The following ELF2 variants were observed in gnomAD, a reference collection of about 807,000 sequenced individuals.
ELF2 encodes ETS-related transcription factor Elf-2.
Under a neutral mutation model 54.8 loss-of-function variants are expected in ELF2, and 11 were observed. The observed-to-expected ratio is 0.20, with a 90% CI of 0.13 to 0.33. ELF2 has a LOEUF of 0.33. ELF2 is among the 10% of genes least tolerant of loss of function. ELF2 has a pLI of 1.00. For missense variants in ELF2, 513 were observed against 703.0 expected (o/e 0.73, Z 3.06); for synonymous variants, 203 against 245.1 (o/e 0.83, Z 1.61).
intron 1 of ELF2, among the ~76,000 whole-genome samples, chr4:139,172,124 A>G (rs1454061078): frequency 6.6e-6 from 1 of 152,200 alleles, no homozygotes; most frequent in Admixed American, 6.5e-5. Flanking sequence ...ATAGCTAACC[A>G]AGAGAAACAA....
chr4:139,061,421 C>G (rs1049013333), intron 8 of ELF2, among the ~76,000 whole-genome samples: 1 of 152,036 alleles, frequency 6.6e-6, no homozygotes, highest in African/African-American at 2.4e-5. Flanking sequence ...GTGATCCACC[C>G]AACTCAGCCT....
At chr4:139,067,355 G>T in intron 7 of ELF2, 1 of 221,340 alleles carries the variant, frequency 4.5e-6, no homozygotes, top group African/African-American at 2.3e-5. Context: ...TTTGAATTAT[G>T]GGTAGCTATA....
intron 4 of ELF2, among the ~76,000 whole-genome samples, chr4:139,075,425 C>A (rs1269832005): frequency 6.6e-6 from 1 of 151,792 alleles, no homozygotes; most frequent in African/African-American, 2.4e-5. Context: ...AGCAGACATG[C>A]GGATTTTTAT....
chr4:139,177,138 GCGACCCCCGCCCGCGCCGCCCCAC>G lies in ELF2; in HGVS notation c.-447_-424del, dbSNP rs1465542868. Reference sequence around the variant, plus strand: ...AAACAGAGGCTCGCCGCCCCGCGCAGCGACCCCCGCCCGCGCCGCCCCACCGACCCCCAACCGCCTAGGCGACGG... The same window carrying G: ...AAACAGAGGCTCGCCGCCCCGCGCAGCGACCCCCAACCGCCTAGGCGACGG... On this transcript the variant is annotated 5_prime_UTR_variant, in exon 1 of 10. Transcript: ENST00000686138. 2.0e-5 allele frequency: 3 copies of G among 152,480 alleles called. No individual in the cohort carries two copies. Among genetic ancestry groups the G allele is most frequent in the Non-Finnish European group, 2.9e-5 (2 of 68,336 alleles). The allele number at this position is 152,480 out of a possible 1,614,324, so 9.4% of individuals were successfully genotyped here. A position where few individuals can be genotyped will look rare whatever the true frequency, so the allele number is the denominator to read the frequency against.
intron 4 of ELF2, chr4:139,115,132 C>G (rs1735511050): frequency 1.9e-6 from 3 of 1,613,558 alleles, no homozygotes; most frequent in East Asian, 4.5e-5. Context: ...GTCGTAGAGG[C>G]GCGTGAGCTG....
chr4:139,171,250 C>T (rs551620463), intron 1 of ELF2, among the ~76,000 whole-genome samples: 1 of 152,042 alleles, frequency 6.6e-6, no homozygotes, highest in Non-Finnish European at 1.5e-5. Context: ...AAAAATTAAC[C>T]GGGCATGGTG....
At chr4:139,124,115 C>T (rs1043819096) in intron 4 of ELF2, among the ~76,000 whole-genome samples, 20 of 152,126 alleles carry the variant, frequency 1.3e-4, no homozygotes, top group African/African-American at 4.6e-4. Flanking sequence ...TGACCTTGAG[C>T]GAGCCACCTG....
At chr4:139,077,013 T>C (rs931862731) in intron 4 of ELF2, among the ~76,000 whole-genome samples, 1 of 152,180 alleles carries the variant, frequency 6.6e-6, no homozygotes, top group Non-Finnish European at 1.5e-5. Context: ...CCAGAAGATC[T>C]AATACTCTAC....
intron 6 of ELF2, among the ~76,000 whole-genome samples, chr4:139,069,837 T>C (rs1729254833): frequency 6.7e-6 from 1 of 149,876 alleles, no homozygotes; most frequent in Admixed American, 7.0e-5. Flanking sequence ...ACAGACAGAA[T>C]GGTTACATGT....
intron 4 of ELF2, among the ~76,000 whole-genome samples, chr4:139,078,513 C>T (rs1730632396): frequency 6.6e-6 from 1 of 150,458 alleles, no homozygotes; most frequent in African/African-American, 2.4e-5. Context: ...CCTTTTCCCC[C>T]TTGACCTTTT....
intron 1 of ELF2, among the ~76,000 whole-genome samples, chr4:139,176,335 G>A (rs1464078994): frequency 6.6e-6 from 1 of 152,198 alleles, no homozygotes; most frequent in East Asian, 1.9e-4. Flanking sequence ...AGCTAGCAGC[G>A]CCGGGAAGGA....
At chr4:139,060,944 T>C (rs1189925711) in intron 8 of ELF2, among the ~76,000 whole-genome samples, 1 of 152,156 alleles carries the variant, frequency 6.6e-6, no homozygotes, top group Non-Finnish European at 1.5e-5. Flanking sequence ...AAAGAAATAA[T>C]TTACCTTACC....
intron 1 of ELF2, among the ~76,000 whole-genome samples, chr4:139,141,384 C>T (rs1054223729): frequency 5.3e-5 from 8 of 152,130 alleles, no homozygotes; most frequent in Admixed American, 1.3e-4. Context: ...CCACTTTATA[C>T]GAAGGACTTC....
At chr4:139,079,045 C>T (rs1391066122) in intron 4 of ELF2, among the ~76,000 whole-genome samples, 3 of 151,948 alleles carry the variant, frequency 2.0e-5, no homozygotes, top group Non-Finnish European at 4.4e-5. Flanking sequence ...CCTACCTCAG[C>T]GTCTCAAGTA....
At chr4:139,145,401 G>GA (rs1449179901) in intron 1 of ELF2, among the ~76,000 whole-genome samples, 1 of 152,168 alleles carries the variant, frequency 6.6e-6, no homozygotes, top group African/African-American at 2.4e-5. Context: ...AATCAGCCTG[G>GA]AATGTGGTAA....
At chr4:139,155,154 T>C (rs914328855) in intron 1 of ELF2, 1 of 152,256 alleles carries the variant, frequency 6.6e-6, no homozygotes, top group African/African-American at 2.4e-5. Flanking sequence ...GTACCAGATG[T>C]GGTGGCACAC....
chr4:139,156,162 T>C (rs984659133), intron 1 of ELF2, among the ~76,000 whole-genome samples: 1 of 152,130 alleles, frequency 6.6e-6, no homozygotes, highest in Non-Finnish European at 1.5e-5. Flanking sequence ...TTTATACATA[T>C]ATTCTTTTTT....
chr4:139,171,936 C>T (rs976037318), intron 1 of ELF2, among the ~76,000 whole-genome samples: 17 of 152,072 alleles, frequency 1.1e-4, no homozygotes, highest in Admixed American at 7.2e-4. Flanking sequence ...AAATTCATAT[C>T]CATTAGAACA....
At chr4:139,141,165 T>C (rs1738659343) in intron 1 of ELF2, among the ~76,000 whole-genome samples, 1 of 152,220 alleles carries the variant, frequency 6.6e-6, no homozygotes, top group African/African-American at 2.4e-5. Flanking sequence ...GAAGCCTACA[T>C]ACCATGTGTC....
Sources: gnomAD v4.1 joint callset for allele counts (sites outside exome capture counted in the v4.1 genomes callset) on GRCh38, gnomAD v4.1.1 for gene constraint, MANE v1.5 for transcripts, NCBI Gene and HGNC (gene_info 2026-07-23, HGNC 2026-07-21) for gene names.